The following TOX2 variants were observed in gnomAD, a reference collection of about 807,000 sequenced individuals.
TOX2 encodes granulosa cell HMG box 1.
Under a neutral mutation model 47.4 loss-of-function variants are expected in TOX2, and 15 were observed. That is an observed-to-expected ratio of 0.32 (90% confidence interval 0.21 to 0.49). The LOEUF is 0.49. TOX2 is among the 20% of genes least tolerant of loss of function. The pLI is 0.99. For synonymous variants in TOX2, 290 were observed against 296.6 expected, an observed-to-expected ratio of 0.98 and a Z score of 0.23; for missense variants, 622 against 673.1, an observed-to-expected ratio of 0.92 and a Z score of 0.84.
intron 3 of TOX2, among the ~76,000 whole-genome samples, chr20:44,012,442 C>T (rs768978598): frequency 2.6e-5 from 4 of 152,142 alleles, no homozygotes; most frequent in African/African-American, 7.2e-5. Context: ...AAAGCTCCCC[C>T]GACAGTAGCT....
chr20:43,971,382 G>A (rs2069962819), intron 1 of TOX2, among the ~76,000 whole-genome samples: 1 of 152,208 alleles, frequency 6.6e-6, no homozygotes, highest in Non-Finnish European at 1.5e-5. Flanking sequence ...CGTCGAAAAT[G>A]GTGGTAGAAA....
chr20:43,934,331 G>T (rs1046540659), intron 1 of TOX2, among the ~76,000 whole-genome samples: 1 of 152,082 alleles, frequency 6.6e-6, no homozygotes, highest in African/African-American at 2.4e-5. Context: ...TCCATCACAG[G>T]ATGGGTATTT....
At chr20:43,991,614 CATTATTATTATTATTATTATTATTATT>C (rs143981680) in intron 2 of TOX2, among the ~76,000 whole-genome samples, 1 of 141,684 alleles carries the variant, frequency 7.1e-6, no homozygotes, top group Non-Finnish European at 1.5e-5. Flanking sequence ...AGGCAATAAT[CATTATTATTATTATTATTATTATTATT>C]ATTATTATTA....
intron 2 of TOX2, among the ~76,000 whole-genome samples, chr20:43,982,667 G>A (rs2070188669): frequency 6.6e-6 from 1 of 151,804 alleles, no homozygotes; most frequent in Admixed American, 6.6e-5. Flanking sequence ...AGCACAGCAT[G>A]GTGGCTGAGC....
At chr20:43,925,108 G>A (rs746344620) in intron 1 of TOX2, among the ~76,000 whole-genome samples, 15 of 152,102 alleles carry the variant, frequency 9.9e-5, no homozygotes, top group Admixed American at 3.9e-4. Context: ...ATGGTAATTC[G>A]ATTTTTAAAA....
In TOX2 at chr20:43,987,912, C is replaced by CTTTT. The variant is rs762084312; in HGVS notation, c.165+14502_165+14505dup. On this transcript the variant is annotated intron_variant, in intron 2 of 8. Coordinates refer to ENST00000341197, the MANE Select transcript of TOX2 (RefSeq NM_001098797.2). ...TAGGAAATGTTTGAAATATCAACATCTTTTTTTTTTTTTTTTTTTTTTTTT... is the reference window on the plus strand; with the variant it reads ...TAGGAAATGTTTGAAATATCAACATCTTTTTTTTTTTTTTTTTTTTTTTTTTTTT... 3.2e-3 allele frequency among the ~76,000 whole-genome samples: 224 copies of CTTTT among 70,004 alleles called. 4 individuals carry two copies. The highest frequency in any genetic ancestry group is 4.9e-3 in the African/African-American group (81 of 16,486). The allele number at this position is 70,004 out of a possible 152,430, so 45.9% of individuals were successfully genotyped here.
At chr20:43,998,305 G>A (rs1189626588) in intron 2 of TOX2, among the ~76,000 whole-genome samples, 1 of 152,206 alleles carries the variant, frequency 6.6e-6, no homozygotes, top group East Asian at 1.9e-4. Flanking sequence ...GGGTGGGGAT[G>A]CAAAGCCAAA....
At chr20:44,019,370 C>T (rs1021180194) in intron 3 of TOX2, among the ~76,000 whole-genome samples, 2 of 152,214 alleles carry the variant, frequency 1.3e-5, no homozygotes, top group Non-Finnish European at 2.9e-5. Flanking sequence ...AGGATGGGAC[C>T]CTGATTCTTT....
chr20:44,037,113 C>T (rs2071253815), intron 3 of TOX2, among the ~76,000 whole-genome samples: 1 of 152,174 alleles, frequency 6.6e-6, no homozygotes, highest in Non-Finnish European at 1.5e-5. Flanking sequence ...ACCACCATGA[C>T]CAGCTAATTT....
intron 1 of TOX2, among the ~76,000 whole-genome samples, chr20:43,935,448 C>T (rs756197770): frequency 1.3e-5 from 2 of 152,148 alleles, no homozygotes; most frequent in South Asian, 4.1e-4. Flanking sequence ...GGGGCGGGGA[C>T]GAGGAGGAAC....
At chr20:43,970,121 G>C (rs1356426293) in intron 1 of TOX2, among the ~76,000 whole-genome samples, 1 of 152,172 alleles carries the variant, frequency 6.6e-6, no homozygotes, top group Non-Finnish European at 1.5e-5. Context: ...ATTGGTCCCT[G>C]CTGTGAATGC....
At chr20:43,984,293 G>C (rs1416582533) in intron 2 of TOX2, among the ~76,000 whole-genome samples, 1 of 152,200 alleles carries the variant, frequency 6.6e-6, no homozygotes, top group Non-Finnish European at 1.5e-5. Flanking sequence ...CAAGACCATA[G>C]ATTTTGTTCA....
chr20:43,923,150 C>A (rs1257348340), intron 1 of TOX2, among the ~76,000 whole-genome samples: 1 of 152,020 alleles, frequency 6.6e-6, no homozygotes, highest in Non-Finnish European at 1.5e-5. Context: ...GGAGGGGAAA[C>A]CTGCCTGCGT....
chr20:43,960,700 T>C (rs1188142594), intron 1 of TOX2, among the ~76,000 whole-genome samples: 1 of 152,268 alleles, frequency 6.6e-6, no homozygotes, highest in Non-Finnish European at 1.5e-5. Flanking sequence ...ACATGCTGAT[T>C]TCACTTGCTT....
chr20:43,915,948 C>A lies in TOX2; in HGVS notation c.99+958C>A, dbSNP rs1382728696. ...CGTGCCTGGAACCCCGAACCCGAGG[C>A]GTCAGGTCCCACTGCCGGGTCTGGC... On this transcript the variant is annotated intron_variant, in intron 1 of 8. Coordinates refer to ENST00000341197, the MANE Select transcript of TOX2 (RefSeq NM_001098797.2). This position sits in a 1 kb window ranked among gnomAD's most constrained non-coding sequence, Gnocchi z 7.1. Among the ~76,000 whole-genome samples the A allele has an allele frequency of 6.6e-6, 1 of 152,276 alleles. No homozygotes were observed. The highest frequency in any genetic ancestry group is 1.5e-5 in the Non-Finnish European group (1 of 68,046).
intron 1 of TOX2, among the ~76,000 whole-genome samples, chr20:43,961,485 C>T (rs977009746): frequency 6.6e-5 from 10 of 152,106 alleles, no homozygotes; most frequent in Admixed American, 1.3e-4. Context: ...AGAGGCCTTA[C>T]CCATCATGGT....
rs571867805 is a variant in TOX2, at chr20:43,949,883, C to T, written c.100-23484C>T. Among the ~76,000 whole-genome samples the T allele has an allele frequency of 5.9e-5, 9 of 152,294 alleles. 1 individual carries two copies. In the South Asian group the frequency reaches 1.7e-3, roughly 28 times the overall value. ...TGCACCTTTATTCTCACACGTGCTGCAAGGCCAGACAGCACAGAAATGTTA... is the reference window on the plus strand; with the variant it reads ...TGCACCTTTATTCTCACACGTGCTGTAAGGCCAGACAGCACAGAAATGTTA... On this transcript the variant is annotated intron_variant, in intron 1 of 8. Coordinates refer to ENST00000341197, the MANE Select transcript of TOX2 (RefSeq NM_001098797.2).
intron 3 of TOX2, among the ~76,000 whole-genome samples, chr20:44,029,612 T>C (rs2071118498): frequency 6.6e-6 from 1 of 152,194 alleles, no homozygotes; most frequent in East Asian, 1.9e-4. Flanking sequence ...GGCAAACCCA[T>C]GTTCCAGTCA....
chr20:43,972,602 A>G (rs1016935089), intron 1 of TOX2, among the ~76,000 whole-genome samples: 1 of 152,236 alleles, frequency 6.6e-6, no homozygotes, highest in African/African-American at 2.4e-5. Context: ...AGGGGCCTAC[A>G]GGCACCATCC....
Sources: allele counts gnomAD v4.1 joint callset (sites outside exome capture counted in the v4.1 genomes callset), GRCh38; gene constraint gnomAD v4.1.1; non-coding constraint Gnocchi (gnomAD v3.1); transcripts MANE v1.5; gene names NCBI Gene and HGNC (gene_info 2026-07-23, HGNC 2026-07-21).